RIN2: variants seen among roughly 807,000 people sequenced by gnomAD.
RIN2 encodes RAB5 interacting protein 2.
A neutral mutation model predicts 78.0 loss-of-function variants in RIN2; 36 were observed. The ratio of observed to expected loss-of-function variants is 0.46; its 90% CI spans 0.35 to 0.61. The LOEUF is 0.61. RIN2 is among the 20% of genes least tolerant of loss of function. The pLI, the probability that RIN2 is intolerant of heterozygous loss-of-function variation, is 0.00. For synonymous variants in RIN2, 466 were observed against 466.8 expected (o/e 1.00, Z 0.02); for missense variants, 1,087 against 1,159.7 (o/e 0.94, Z 0.91).
intron 3 of RIN2, among the ~76,000 whole-genome samples, chr20:19,902,701 G>T (rs1192411488): frequency 6.6e-6 from 1 of 152,076 alleles, no homozygotes; most frequent in Non-Finnish European, 1.5e-5. Flanking sequence ...AAAATATACA[G>T]GACACCAGTG....
At chr20:19,851,096 G>GGAAA (rs1260362070) in intron 2 of RIN2, among the ~76,000 whole-genome samples, 2 of 151,810 alleles carry the variant, frequency 1.3e-5, no homozygotes, top group East Asian at 3.9e-4. Context: ...TAGGAAGGAA[G>GGAAA]GAAAGAGAAG....
At position 19,935,366 on chromosome 20, in the gene RIN2, T is replaced by A. The variant is rs1007060520; in HGVS notation, c.158+167T>A. On this transcript the variant is annotated intron_variant, in intron 4 of 12. Transcript: ENST00000255006. ...GAGGTGGGAGTGGCCTAGGAACTAG[T>A]TGTCTGCTTGTTTATTTTAATCACT... is the stretch of plus-strand genomic sequence containing the variant. 5.4e-6 allele frequency: 7 copies of A among 1,295,830 alleles called. No individual in the cohort carries two copies. The African/African-American group carries it at 7.5e-5, about 14-fold the overall frequency. 80.3% of individuals were successfully genotyped at this position (1,295,830 alleles called of 1,614,324 possible).
chr20:19,896,978 T>C (rs1465014501), intron 3 of RIN2, among the ~76,000 whole-genome samples: 1 of 152,206 alleles, frequency 6.6e-6, no homozygotes, highest in Non-Finnish European at 1.5e-5. Context: ...TGTACCACTT[T>C]TTTTATTGAC....
At chr20:19,764,928 T>G (rs931079564) in intron 1 of RIN2, among the ~76,000 whole-genome samples, 5 of 130,716 alleles carry the variant, frequency 3.8e-5, no homozygotes, top group Middle Eastern at 3.6e-3. Context: ...GTTTTTTTTT[T>G]TTTTTTTTTT....
intron 2 of RIN2, among the ~76,000 whole-genome samples, chr20:19,873,055 A>G (rs1170238623): frequency 6.6e-6 from 1 of 152,104 alleles, no homozygotes; most frequent in Non-Finnish European, 1.5e-5. Flanking sequence ...CATAGACTCA[A>G]ATAGCACTTA....
At chr20:19,764,525 C>G (rs1364313321) in intron 1 of RIN2, among the ~76,000 whole-genome samples, 3 of 152,234 alleles carry the variant, frequency 2.0e-5, no homozygotes, top group African/African-American at 7.2e-5. Flanking sequence ...GCTATCCAGA[C>G]TTTCCTTGCT....
At chr20:19,806,999 A>T (rs974069528) in intron 2 of RIN2, among the ~76,000 whole-genome samples, 2 of 152,248 alleles carry the variant, frequency 1.3e-5, no homozygotes, top group African/African-American at 4.8e-5. Context: ...GCACAGGTTC[A>T]GCTAGGCTTG....
chr20:19,796,988 G>T (rs2035078336), intron 1 of RIN2, among the ~76,000 whole-genome samples: 1 of 152,226 alleles, frequency 6.6e-6, no homozygotes, highest in Non-Finnish European at 1.5e-5. Flanking sequence ...GGGGGAGGAT[G>T]AATGAAAGCT....
chr20:19,787,544 T>C (rs2034723824), intron 1 of RIN2, among the ~76,000 whole-genome samples: 1 of 151,754 alleles, frequency 6.6e-6, no homozygotes, highest in Admixed American at 6.6e-5. Flanking sequence ...TGGAGTCAGA[T>C]GGTTTGAATC....
At chr20:19,949,205 C>T (rs896488593) in intron 4 of RIN2, among the ~76,000 whole-genome samples, 1 of 152,206 alleles carries the variant, frequency 6.6e-6, no homozygotes, top group Non-Finnish European at 1.5e-5. Flanking sequence ...TCGCTTGAGC[C>T]TGGGAGGCAG....
chr20:19,773,907 ATAT>A (rs1372353192), intron 1 of RIN2, among the ~76,000 whole-genome samples: 2 of 148,326 alleles, frequency 1.3e-5, no homozygotes, highest in Admixed American at 1.4e-4. Flanking sequence ...ATATTATAAA[ATAT>A]TATATATATA....
At chr20:19,787,167 A>T (rs975553248) in intron 1 of RIN2, among the ~76,000 whole-genome samples, 1 of 152,114 alleles carries the variant, frequency 6.6e-6, no homozygotes, top group Non-Finnish European at 1.5e-5. Context: ...TCATACCTGT[A>T]ATCCCAGCAC....
At chr20:19,884,778 T>C (rs953413458) in intron 2 of RIN2, among the ~76,000 whole-genome samples, 7 of 152,126 alleles carry the variant, frequency 4.6e-5, no homozygotes, top group Admixed American at 2.6e-4. Context: ...CAGAGCCACC[T>C]CCATTTCCTC....
intron 9 of RIN2, among the ~76,000 whole-genome samples, chr20:19,984,206 A>G (rs1466940837): frequency 6.6e-6 from 1 of 152,076 alleles, no homozygotes; most frequent in Non-Finnish European, 1.5e-5. Context: ...TAATACAATC[A>G]TGTGTTGTTT....
At chr20:19,798,054 T>G (rs2035118046) in intron 1 of RIN2, among the ~76,000 whole-genome samples, 1 of 151,398 alleles carries the variant, frequency 6.6e-6, no homozygotes, top group Admixed American at 6.6e-5. Context: ...GGTTTCACTG[T>G]GTTAGCCAGG....
chr20:19,860,288 A>G (rs891723179), intron 2 of RIN2, among the ~76,000 whole-genome samples: 9 of 151,790 alleles, frequency 5.9e-5, no homozygotes, highest in African/African-American at 2.2e-4. Flanking sequence ...GCCCCTTTAC[A>G]TGGGTGATTC....
chr20:19,972,638 G>T (rs190948364), intron 8 of RIN2, among the ~76,000 whole-genome samples: 1 of 152,314 alleles, frequency 6.6e-6, no homozygotes, highest in East Asian at 1.9e-4. Flanking sequence ...GGACTCAAGG[G>T]TTAATAAGAT....
chr20:19,930,895 A>G (rs2040415273), intron 3 of RIN2, among the ~76,000 whole-genome samples: 1 of 152,208 alleles, frequency 6.6e-6, no homozygotes, highest in Admixed American at 6.5e-5. Flanking sequence ...ACCACACACC[A>G]TATTAAAATA....
At chr20:19,972,070 A>T (rs1568682400) in intron 8 of RIN2, among the ~76,000 whole-genome samples, 1 of 152,024 alleles carries the variant, frequency 6.6e-6, no homozygotes, top group African/African-American at 2.4e-5. Flanking sequence ...CTGTAGAAGG[A>T]TTGCCTTCTG....
Sources: allele counts gnomAD v4.1 joint callset (sites outside exome capture counted in the v4.1 genomes callset), GRCh38; gene constraint gnomAD v4.1.1; transcripts MANE v1.5; gene names NCBI Gene and HGNC (gene_info 2026-07-23, HGNC 2026-07-21).